MTOR: variants seen among roughly 807,000 people sequenced by gnomAD.
The protein encoded by MTOR is serine/threonine-protein kinase mTOR.
In MTOR, 70 loss-of-function variants were observed where a neutral mutation model predicts 319.8. The ratio of observed to expected loss-of-function variants is 0.22; its 90% CI spans 0.18 to 0.27. MTOR has a LOEUF of 0.27. Ranked by LOEUF, MTOR falls within the 10% of genes least tolerant of loss-of-function variation. The probability of loss-of-function intolerance (pLI) is 1.00; values close to 1 mark genes in which losing one functional copy is unlikely to be tolerated. For synonymous variants in MTOR, 1,183 were observed against 1,211.4 expected, an observed-to-expected ratio of 0.98 and a Z score of 0.49; for missense variants, 1,890 against 3,274.4, an observed-to-expected ratio of 0.58 and a Z score of 10.32.
intron 11 of MTOR, 68 bp downstream of exon 11, chr1:11,240,235 C>T (rs1569754993): frequency 6.6e-7 from 1 of 1,505,188 alleles, no homozygotes; most frequent in Non-Finnish European, 8.9e-7. Flanking sequence ...ATCCTAGATA[C>T]CTTCATTCCT....
At chr1:11,139,802 C>T in intron 34 of MTOR, 144 bp from the exon 35 acceptor site, 1 of 987,130 alleles carries the variant, frequency 1.0e-6, no homozygotes, top group South Asian at 1.6e-5. Flanking sequence ...AGCAATTCTC[C>T]TGCCTCAGCC....
intron 49 of MTOR, among the ~76,000 whole-genome samples, chr1:11,117,298 T>C (rs1243518674): frequency 6.6e-6 from 1 of 152,108 alleles, no homozygotes; most frequent in African/African-American, 2.4e-5. Flanking sequence ...GTAGCTGAGA[T>C]TACAGGCACC....
intron 18 of MTOR, 57 bp from the exon 19 acceptor site, chr1:11,228,975 C>T (rs949699612): frequency 6.3e-7 from 1 of 1,594,678 alleles, no homozygotes; most frequent in Non-Finnish European, 8.6e-7. Flanking sequence ...TGACTTCAGG[C>T]AGAGCATGGT....
At chr1:11,256,411 A>G (rs1650408237) in intron 4 of MTOR, 1 of 813,056 alleles carries the variant, frequency 1.2e-6, no homozygotes, top group African/African-American at 1.9e-5. Flanking sequence ...GAATGCTTGT[A>G]ATGTTTGAAC....
intron 38 of MTOR, chr1:11,132,028 G>A (rs764445354): frequency 3.9e-5 from 6 of 152,172 alleles, no homozygotes; most frequent in Admixed American, 2.6e-4. Context: ...TGGGGTCAAG[G>A]TGAACAAGAC....
Position 11,128,230 on chromosome 1 carries a change from A to T in MTOR, c.5911-104T>A. The T allele has an allele frequency of 6.7e-7, 1 of 1,495,864 alleles. No individual in the cohort carries two copies. Among genetic ancestry groups the T allele is most frequent in the Admixed American group, 1.8e-5 (1 of 54,502 alleles). The allele number at this position is 1,495,864 out of a possible 1,614,324, so 92.7% of individuals were successfully genotyped here. The stretch of plus-strand genomic sequence containing the variant: ...CAAAACAAGTGGTGAGTGTGACATT[A>T]ACATCTGCTTGAGACTACCAGGAAG... On this transcript the variant is annotated intron_variant, in intron 42 of 57. Coordinates refer to ENST00000361445, the MANE Select transcript of MTOR (RefSeq NM_004958.4). This position sits in a 1 kb window ranked among gnomAD's most constrained non-coding sequence, Gnocchi z 5.3.
chr1:11,245,765 C>A (rs1648728641), intron 8 of MTOR, among the ~76,000 whole-genome samples: 3 of 152,068 alleles, frequency 2.0e-5, no homozygotes, highest in African/African-American at 7.2e-5. Context: ...AAAAAATTAG[C>A]CAGGAGTGGA....
At chr1:11,261,229 G>A (rs1651084381) in intron 1 of MTOR, among the ~76,000 whole-genome samples, 1 of 151,302 alleles carries the variant, frequency 6.6e-6, no homozygotes, top group Admixed American at 6.6e-5. Context: ...GGTTTGGGAG[G>A]CCGAGGCGGG....
intron 34 of MTOR, among the ~76,000 whole-genome samples, chr1:11,141,378 G>A (rs1643695257): frequency 6.6e-6 from 1 of 151,756 alleles, no homozygotes. Flanking sequence ...CTCCCAATGT[G>A]CTGGGATTAC....
At chr1:11,131,904 C>T (rs1643180187) in intron 38 of MTOR, 1 of 152,198 alleles carries the variant, frequency 6.6e-6, no homozygotes, top group South Asian at 2.1e-4. Flanking sequence ...TTGATCACAA[C>T]TAACCTTTAC....
Position 11,109,860 on chromosome 1 carries a change from G to T in MTOR, c.7367-131C>A, listed in dbSNP as rs1641767082. The T allele has an allele frequency of 1.3e-6, 1 of 743,694 alleles. No individual in the cohort carries two copies. Among genetic ancestry groups the T allele is most frequent in the Non-Finnish European group, 2.3e-6 (1 of 441,462 alleles). The allele number at this position is 743,694 out of a possible 1,614,324, so 46.1% of individuals were successfully genotyped here. ...CCTACCCTAAAGGGGAAAAGAGAAG[G>T]AAAGTTTTATGTTACTCTTTATGTA... On this transcript the variant is annotated intron_variant, in intron 54 of 57. Transcript: ENST00000361445. The surrounding 1 kb of genome is among the most constrained non-coding windows in gnomAD (Gnocchi z 4.0).
intron 18 of MTOR, among the ~76,000 whole-genome samples, chr1:11,229,733 G>A (rs924199589): frequency 5.9e-5 from 9 of 152,118 alleles, no homozygotes; most frequent in Non-Finnish European, 1.5e-5. Context: ...TGCCCTGAGG[G>A]AATATGGGTT....
In MTOR at chr1:11,209,305, G is replaced by GACTT. The variant is rs750120933; in HGVS notation, c.3801+3_3801+6dup. On this transcript the variant is annotated splice_region_variant and intron_variant, in intron 25 of 57. Coordinates refer to ENST00000361445, the MANE Select transcript of MTOR (RefSeq NM_004958.4). ...CCTTTCCCAGTCACCTGAAACAATG[G>GACTT]ACTTGCCTTTTGGAGGTTGATGGTG... 2 of 1,614,118 alleles carry GACTT rather than the reference G, an allele frequency of 1.2e-6. No homozygotes were observed. Among genetic ancestry groups the GACTT allele is most frequent in the Non-Finnish European group, 1.7e-6 (2 of 1,179,998 alleles).
intron 28 of MTOR, among the ~76,000 whole-genome samples, chr1:11,178,503 C>T (rs376542974): frequency 3.1e-4 from 47 of 152,340 alleles, no homozygotes; most frequent in African/African-American, 1.1e-3. Context: ...CCCAGCATGT[C>T]AGCCAGTTAA....
intron 28 of MTOR, among the ~76,000 whole-genome samples, chr1:11,182,078 A>G (rs1258873782): frequency 6.6e-6 from 1 of 152,110 alleles, no homozygotes; most frequent in Non-Finnish European, 1.5e-5. Context: ...TTAGCAAGGC[A>G]TGGCAGTGCA....
chr1:11,208,470 G>C (rs1310431921), intron 25 of MTOR, among the ~76,000 whole-genome samples: 2 of 152,246 alleles, frequency 1.3e-5, no homozygotes, highest in Non-Finnish European at 2.9e-5. Context: ...AGTCAGCTAG[G>C]ACACAGTCTT....
intron 1 of MTOR, among the ~76,000 whole-genome samples, chr1:11,260,042 CA>C (rs1407159661): frequency 4.6e-5 from 7 of 152,170 alleles, no homozygotes; most frequent in Non-Finnish European, 8.8e-5. Context: ...TAATACGTGT[CA>C]AAAAGTGTTT....
intron 28 of MTOR, chr1:11,189,615 C>T: frequency 1.2e-6 from 2 of 1,613,666 alleles, no homozygotes; most frequent in Non-Finnish European, 1.7e-6. Flanking sequence ...TGACCTGGCT[C>T]TGCATTTTCA....
At position 11,129,840 on chromosome 1, in the gene MTOR, T is replaced by C; in HGVS notation, c.5614-2A>G. The C allele has an allele frequency of 1.2e-6, 2 of 1,613,810 alleles. No individual in the cohort carries two copies. Among genetic ancestry groups the C allele is most frequent in the African/African-American group, 1.3e-5 (1 of 75,066 alleles). On this transcript the variant is annotated splice_acceptor_variant, in intron 39 of 57. Coordinates refer to ENST00000361445, the MANE Select transcript of MTOR (RefSeq NM_004958.4). LOFTEE classifies it high-confidence loss of function. The surrounding 1 kb of genome is among the most constrained non-coding windows in gnomAD (Gnocchi z 4.7). ...CATCAGGAGGGTTTTGGACAGATCC[T>C]GTTGGAACACACACGTGTTAGCGAC...
Sources: allele counts gnomAD v4.1 joint callset (sites outside exome capture counted in the v4.1 genomes callset), GRCh38; gene constraint gnomAD v4.1.1; non-coding constraint Gnocchi (gnomAD v3.1); transcripts MANE v1.5; gene names NCBI Gene and HGNC (gene_info 2026-07-23, HGNC 2026-07-21).